HK1: variants seen among roughly 807,000 people sequenced by gnomAD.
The protein encoded by HK1 is hexokinase-1.
HK1 carries 28 observed loss-of-function variants against 91.6 expected under a neutral mutation model. The ratio of observed to expected loss-of-function variants is 0.31; its 90% CI spans 0.23 to 0.42. The LOEUF is 0.42. Among genes scored for constraint, HK1 ranks in the 10% least tolerant of loss-of-function variants. The pLI, the probability that HK1 is intolerant of heterozygous loss-of-function variation, is 1.00. For synonymous variants in HK1, 430 were observed against 468.1 expected (o/e 0.92, Z 1.05); for missense variants, 770 against 1,219.8 (o/e 0.63, Z 5.49).
intron 5 of HK1, among the ~76,000 whole-genome samples, chr10:69,309,906 C>T (rs11819447): frequency 0.021 from 3,036 of 147,032 alleles, 109 homozygotes; most frequent in African/African-American, 0.072. Context: ...AAAAATTAGC[C>T]GGGTGTTGTG....
chr10:69,352,078 C>A (rs973093607), intron 2 of HK1, among the ~76,000 whole-genome samples: 1 of 151,730 alleles, frequency 6.6e-6, no homozygotes, highest in African/African-American at 2.4e-5. Flanking sequence ...CTACAACCTC[C>A]GCCTCCTGGG....
At chr10:69,328,982 G>A (rs948010542) in intron 1 of HK1, among the ~76,000 whole-genome samples, 56 of 151,988 alleles carry the variant, frequency 3.7e-4, no homozygotes, top group Non-Finnish European at 5.7e-4. Context: ...GCATGTGTTA[G>A]CACTTCATTC....
intron 3 of HK1, chr10:69,292,225 C>G (rs534772886): frequency 6.2e-6 from 2 of 325,182 alleles, no homozygotes; most frequent in South Asian, 4.6e-5. Flanking sequence ...CGTGTGCCCC[C>G]ACAACCAGCC....
intron 16 of HK1, among the ~76,000 whole-genome samples, chr10:69,396,805 C>G (rs1344499421): frequency 6.6e-6 from 1 of 152,174 alleles, no homozygotes; most frequent in Non-Finnish European, 1.5e-5. Flanking sequence ...CCTCAGCCTC[C>G]TGAGTAGCTG....
At chr10:69,273,374 C>A (rs1346724241) in intron 1 of HK1, among the ~76,000 whole-genome samples, 1 of 152,146 alleles carries the variant, frequency 6.6e-6, no homozygotes, top group Non-Finnish European at 1.5e-5. Flanking sequence ...CGTCACCACA[C>A]CCAGATAATT....
At chr10:69,311,596 G>C (rs183088908), upstream of HK1, among the ~76,000 whole-genome samples, 6 of 152,242 alleles carry the variant, frequency 3.9e-5, no homozygotes, top group African/African-American at 1.4e-4. Flanking sequence ...GCCTGGGAAG[G>C]CCTCAACAAT....
At chr10:69,347,599 C>T (rs1589520474) in intron 2 of HK1, among the ~76,000 whole-genome samples, 1 of 151,858 alleles carries the variant, frequency 6.6e-6, no homozygotes, top group Non-Finnish European at 1.5e-5. Flanking sequence ...CCACGCTGGG[C>T]TAATTTTTGT....
intron 2 of HK1, among the ~76,000 whole-genome samples, chr10:69,356,143 A>T (rs1849113363): frequency 6.6e-6 from 1 of 152,066 alleles, no homozygotes; most frequent in South Asian, 2.1e-4. Flanking sequence ...ACTTCATCAA[A>T]ATTTAAAACT....
At chr10:69,297,642 C>A (rs942368004) in intron 4 of HK1, among the ~76,000 whole-genome samples, 9 of 148,590 alleles carry the variant, frequency 6.1e-5, no homozygotes, top group African/African-American at 2.4e-4. Flanking sequence ...TTCCTGTAAT[C>A]CCAGCACTTT....
At chr10:69,291,315 C>T (rs1830512811) in intron 3 of HK1, among the ~76,000 whole-genome samples, 1 of 152,232 alleles carries the variant, frequency 6.6e-6, no homozygotes, top group African/African-American at 2.4e-5. Context: ...AGCACAGGTT[C>T]TGGGATCTCA....
At chr10:69,338,781 G>C in intron 1 of HK1, 2 of 1,037,734 alleles carry the variant, frequency 1.9e-6, no homozygotes, top group Non-Finnish European at 2.6e-6. Flanking sequence ...GTGAGAGTGT[G>C]TGTGTGTAGA....
At chr10:69,331,409 A>G (rs1445256255) in intron 1 of HK1, among the ~76,000 whole-genome samples, 1 of 152,232 alleles carries the variant, frequency 6.6e-6, no homozygotes, top group Admixed American at 6.5e-5. Flanking sequence ...TAATGGAGAT[A>G]TGTCAGAAAT....
intron 2 of HK1, among the ~76,000 whole-genome samples, chr10:69,286,191 A>G (rs1845024670): frequency 6.6e-6 from 1 of 152,206 alleles, no homozygotes; most frequent in Non-Finnish European, 1.5e-5. Context: ...TCTATCTACA[A>G]AAACAAAGTT....
chr10:69,276,118 A>AAAAAAAATATATATATATAT lies in HK1; in HGVS notation c.-391+6011_-391+6012insAAAAAATATATATATATATA. ...AAAAAAAAAAAAAAAAAAAAAAAAA[A>AAAAAAAATATATATATATAT]ATACATATATATATATATATACACA... On this transcript the variant is annotated intron_variant, in intron 1 of 21. Coordinates refer to the HK1 transcript ENST00000360289. Among the ~76,000 whole-genome samples the AAAAAAAATATATATATATAT allele has an allele frequency of 3.9e-4, 15 of 38,272 alleles. 1 individual carries two copies. Among genetic ancestry groups the AAAAAAAATATATATATATAT allele is most frequent in the East Asian group, 1.4e-3 (1 of 696 alleles). 25.1% of individuals were successfully genotyped at this position (38,272 alleles called of 152,430 possible).
intron 5 of HK1, among the ~76,000 whole-genome samples, chr10:69,307,530 C>T (rs1019735017): frequency 1.3e-5 from 2 of 152,090 alleles, no homozygotes; most frequent in African/African-American, 2.4e-5. Context: ...TGCATTTTGT[C>T]GGAATGACAA....
chr10:69,329,473 A>G (rs1213600408), intron 1 of HK1, among the ~76,000 whole-genome samples: 1 of 151,898 alleles, frequency 6.6e-6, no homozygotes, highest in Non-Finnish European at 1.5e-5. Flanking sequence ...ACATGCTTTC[A>G]TGTCTGTTGG....
rs142000880 is a variant in HK1, at chr10:69,290,156, G to A, written c.-115+1386G>A. 2.5e-3 allele frequency among the ~76,000 whole-genome samples: 383 copies of A among 152,210 alleles called. 4 individuals are homozygous for A. In the South Asian group the frequency reaches 0.026, roughly 10 times the overall value. ...GGGCTTGATCTCAAAGACAAACACA[G>A]TGCTCATACTAACTGAGTGCCCTGA... On this transcript the variant is annotated intron_variant, in intron 3 of 21. Coordinates refer to the HK1 transcript ENST00000360289.
At chr10:69,387,930 A>AAAAAC (rs1029811738) in intron 13 of HK1, among the ~76,000 whole-genome samples, 8 of 152,184 alleles carry the variant, frequency 5.3e-5, no homozygotes, top group East Asian at 1.9e-4. Flanking sequence ...AAGAACTTTA[A>AAAAAC]AAAACAAAAC....
chr10:69,361,851 C>G (rs1036282596), intron 3 of HK1, among the ~76,000 whole-genome samples: 4 of 152,012 alleles, frequency 2.6e-5, no homozygotes, highest in Non-Finnish European at 5.9e-5. Flanking sequence ...GAGTTTTACT[C>G]TTGTTGCCCA....
Sources: allele counts gnomAD v4.1 joint callset (sites outside exome capture counted in the v4.1 genomes callset), GRCh38; gene constraint gnomAD v4.1.1; transcripts MANE v1.5; gene names NCBI Gene and HGNC (gene_info 2026-07-23, HGNC 2026-07-21).